The following RTN4RL1 variants were observed in gnomAD, a reference collection of about 807,000 sequenced individuals.
RTN4RL1 encodes reticulon-4 receptor-like 1.
RTN4RL1 carries 7 observed loss-of-function variants against 25.6 expected under a neutral mutation model. The ratio of observed to expected loss-of-function variants is 0.27; its 90% CI spans 0.16 to 0.51. The LOEUF (loss-of-function observed/expected upper bound fraction) is 0.51. Ranked by LOEUF, RTN4RL1 falls within the 20% of genes least tolerant of loss-of-function variation. RTN4RL1 has a pLI of 0.97. For synonymous variants in RTN4RL1, 297 were observed against 288.2 expected (o/e 1.03, Z -0.31); for missense variants, 500 against 615.6 (o/e 0.81, Z 1.99).
At chr17:2,001,460 A>T (rs1180840283) in intron 1 of RTN4RL1, 3 of 150,978 alleles carry the variant, frequency 2.0e-5, no homozygotes, top group African/African-American at 7.3e-5. Context: ...GTTAGCCAGG[A>T]TGGTCTCGAT....
At chr17:1,937,834 G>A in intron 1 of RTN4RL1, 26 bp from the exon 2 acceptor site, 1 of 1,535,826 alleles carries the variant, frequency 6.5e-7, no homozygotes, top group Non-Finnish European at 8.8e-7. Flanking sequence ...AGCACAGCCA[G>A]GTCAGGGGCC....
At chr17:2,005,303 G>A (rs1336392507) in intron 1 of RTN4RL1, among the ~76,000 whole-genome samples, 5 of 152,064 alleles carry the variant, frequency 3.3e-5, no homozygotes, top group South Asian at 2.1e-4. Context: ...CACCACATCC[G>A]GCCACCAAGA....
At chr17:1,971,611 T>C (rs4790854) in intron 1 of RTN4RL1, among the ~76,000 whole-genome samples, 87,627 of 150,690 alleles carry the variant, frequency 0.58, 25,604 homozygotes, top group Admixed American at 0.7. Context: ...GGGAGGGTTG[T>C]GTGAGCTCAG....
intron 1 of RTN4RL1, among the ~76,000 whole-genome samples, chr17:1,959,858 C>T (rs115228377): frequency 0.014 from 2,056 of 152,292 alleles, 46 homozygotes; most frequent in African/African-American, 0.047. Flanking sequence ...CCACCGCGCC[C>T]AGCCAGGCTC....
At position 2,024,868 on chromosome 17, in the gene RTN4RL1, T is replaced by C. The variant is rs1370557544; in HGVS notation, c.-3A>G. On this transcript the variant is annotated 5_prime_UTR_variant, in exon 1 of 2. Coordinates refer to ENST00000331238, the MANE Select transcript of RTN4RL1 (RefSeq NM_178568.4). ...TCCAACTCACCTTTGCGAAGCATGT[T>C]GGCCACGGGGCCGCCGCTCCGAGGT... The C allele has an allele frequency of 1.3e-6, 2 of 1,584,436 alleles. No individual in the cohort carries two copies. The highest frequency in any genetic ancestry group is 1.7e-6 in the Non-Finnish European group (2 of 1,166,418).
chr17:1,990,187 C>T (rs1043233091), intron 1 of RTN4RL1, among the ~76,000 whole-genome samples: 2 of 151,940 alleles, frequency 1.3e-5, no homozygotes, highest in Non-Finnish European at 2.9e-5. Context: ...CGGTGAAACC[C>T]CATCTCTGCT....
chr17:2,008,126 G>A (rs974762726), intron 1 of RTN4RL1, among the ~76,000 whole-genome samples: 4 of 150,892 alleles, frequency 2.7e-5, no homozygotes, highest in South Asian at 4.2e-4. Context: ...AAAATTATCC[G>A]GCTGTGGTGG....
Position 1,936,149 on chromosome 17 carries a change from A to C in RTN4RL1, c.*347T>G. The C allele has an allele frequency of 9.1e-7, 1 of 1,099,950 alleles. No homozygotes were observed. Among genetic ancestry groups the C allele is most frequent in the Non-Finnish European group, 1.1e-6 (1 of 902,304 alleles). 68.1% of individuals were successfully genotyped at this position (1,099,950 alleles called of 1,614,324 possible). On this transcript the variant is annotated 3_prime_UTR_variant, in exon 2 of 2. Transcript: ENST00000331238. ...CTCCAGACCTCTCGGAACGATCGGG[A>C]TTCCACAGAGCCCCGGTGCCGCCGT...
chr17:1,942,898 C>T (rs1210803949), intron 1 of RTN4RL1, among the ~76,000 whole-genome samples: 1 of 152,224 alleles, frequency 6.6e-6, no homozygotes, highest in African/African-American at 2.4e-5. Context: ...GTGCCCCTTC[C>T]TACCCTGGCT....
chr17:1,945,646 C>A (rs1212505709), intron 1 of RTN4RL1, among the ~76,000 whole-genome samples: 1 of 152,238 alleles, frequency 6.6e-6, no homozygotes, highest in Non-Finnish European at 1.5e-5. Flanking sequence ...CCACCACGCC[C>A]GGCCGCCCTG....
intron 1 of RTN4RL1, among the ~76,000 whole-genome samples, chr17:1,973,788 C>A (rs552758138): frequency 6.6e-6 from 1 of 152,264 alleles, no homozygotes; most frequent in African/African-American, 2.4e-5. Flanking sequence ...CCTGTAATCC[C>A]AGCACTTTGG....
intron 1 of RTN4RL1, among the ~76,000 whole-genome samples, chr17:2,007,641 T>C (rs967756870): frequency 2.0e-5 from 3 of 152,122 alleles, no homozygotes; most frequent in African/African-American, 7.2e-5. Flanking sequence ...TGGAACATTT[T>C]GCAGCCGTTA....
chr17:2,002,459 A>ATT (rs2066965589), intron 1 of RTN4RL1, among the ~76,000 whole-genome samples: 1 of 148,938 alleles, frequency 6.7e-6, no homozygotes, highest in Admixed American at 6.6e-5. Flanking sequence ...CGCCTGGCTA[A>ATT]TTTTTTGTAT....
At chr17:1,966,084 C>T (rs369659103) in intron 1 of RTN4RL1, among the ~76,000 whole-genome samples, 3 of 152,152 alleles carry the variant, frequency 2.0e-5, no homozygotes, top group Non-Finnish European at 1.5e-5. Flanking sequence ...AACAGCCCCC[C>T]GCCCACCTCC....
At chr17:2,009,258 A>G (rs2151325493) in intron 1 of RTN4RL1, among the ~76,000 whole-genome samples, 1 of 152,146 alleles carries the variant, frequency 6.6e-6, no homozygotes, top group Admixed American at 6.5e-5. Context: ...TCAGGAGTTC[A>G]AGACCAGCCT....
At chr17:1,980,350 C>T (rs1394866594) in intron 1 of RTN4RL1, among the ~76,000 whole-genome samples, 1 of 151,742 alleles carries the variant, frequency 6.6e-6, no homozygotes, top group Non-Finnish European at 1.5e-5. Flanking sequence ...AGATTACAGG[C>T]ATCAGCCCCC....
chr17:2,004,855 G>A (rs570594215), intron 1 of RTN4RL1, among the ~76,000 whole-genome samples: 2 of 152,328 alleles, frequency 1.3e-5, no homozygotes, highest in South Asian at 2.1e-4. Context: ...AACTCCAAAG[G>A]GCAGTGAGAT....
intron 1 of RTN4RL1, among the ~76,000 whole-genome samples, chr17:1,967,685 G>T (rs1227672948): frequency 2.0e-5 from 3 of 151,622 alleles, no homozygotes; most frequent in African/African-American, 7.3e-5. Flanking sequence ...TGTCACCCAG[G>T]CTGGAGTGCA....
intron 1 of RTN4RL1, among the ~76,000 whole-genome samples, chr17:1,957,084 T>G (rs1915809128): frequency 6.6e-6 from 1 of 152,196 alleles, no homozygotes; most frequent in African/African-American, 2.4e-5. Context: ...TATTGATTCT[T>G]TTCAAGAGTC....
Sources: gnomAD v4.1 joint callset for allele counts (sites outside exome capture counted in the v4.1 genomes callset) on GRCh38, gnomAD v4.1.1 for gene constraint, MANE v1.5 for transcripts, NCBI Gene and HGNC (gene_info 2026-07-23, HGNC 2026-07-21) for gene names.